Variants in ST6GALNAC5 observed in about 807,000 individuals in gnomAD.
ST6GALNAC5 encodes alpha-N-acetylgalactosaminide alpha-2,6-sialyltransferase 5.
In ST6GALNAC5, 27 loss-of-function variants were observed where a neutral mutation model predicts 33.6. The ratio of observed to expected loss-of-function variants is 0.80; its 90% CI spans 0.59 to 1.11. The LOEUF (loss-of-function observed/expected upper bound fraction) is 1.11. Among genes scored for constraint, ST6GALNAC5 ranks in the 50% least tolerant of loss-of-function variants. The pLI, the probability that ST6GALNAC5 is intolerant of heterozygous loss-of-function variation, is 0.00. For synonymous variants in ST6GALNAC5, 194 were observed against 171.2 expected, an observed-to-expected ratio of 1.13 and a Z score of -1.04; for missense variants, 428 against 454.0, an observed-to-expected ratio of 0.94 and a Z score of 0.52.
At chr1:76,883,849 T>A (rs1466925106) in intron 2 of ST6GALNAC5, among the ~76,000 whole-genome samples, 1 of 152,212 alleles carries the variant, frequency 6.6e-6, no homozygotes, top group Admixed American at 6.5e-5. Flanking sequence ...ATGAATGAGA[T>A]GTGATCCTCA....
intron 2 of ST6GALNAC5, among the ~76,000 whole-genome samples, chr1:76,902,445 C>G (rs1421675084): frequency 6.6e-6 from 1 of 152,200 alleles, no homozygotes. Context: ...TAGTGCTCCT[C>G]AAATAGATCT....
At chr1:77,030,744 A>C (rs1028222697) in intron 2 of ST6GALNAC5, among the ~76,000 whole-genome samples, 1 of 152,234 alleles carries the variant, frequency 6.6e-6, no homozygotes, top group African/African-American at 2.4e-5. Flanking sequence ...AGAAAAGAAG[A>C]CTGGATAAAA....
At chr1:76,881,646 G>T (rs1653781965) in intron 2 of ST6GALNAC5, among the ~76,000 whole-genome samples, 1 of 151,964 alleles carries the variant, frequency 6.6e-6, no homozygotes, top group Non-Finnish European at 1.5e-5. Context: ...ATAAGTACTT[G>T]TTGAATGAAT....
intron 2 of ST6GALNAC5, among the ~76,000 whole-genome samples, chr1:76,887,303 G>T (rs539596284): frequency 7.9e-5 from 12 of 152,300 alleles, no homozygotes; most frequent in African/African-American, 2.9e-4. Context: ...TGTAAGTAAT[G>T]ATATAATTTT....
intron 2 of ST6GALNAC5, among the ~76,000 whole-genome samples, chr1:77,008,625 G>A (rs1026384448): frequency 6.6e-6 from 1 of 152,096 alleles, no homozygotes; most frequent in Non-Finnish European, 1.5e-5. Context: ...TGCCTCCTGG[G>A]TTCAAGCAAT....
intron 2 of ST6GALNAC5, among the ~76,000 whole-genome samples, chr1:76,872,271 T>G (rs967073031): frequency 6.6e-6 from 1 of 152,138 alleles, no homozygotes; most frequent in African/African-American, 2.4e-5. Flanking sequence ...AATGAAACCG[T>G]GAGCTAATTC....
chr1:76,976,479 A>G (rs1557744625), intron 2 of ST6GALNAC5, among the ~76,000 whole-genome samples: 1 of 152,116 alleles, frequency 6.6e-6, no homozygotes, highest in Non-Finnish European at 1.5e-5. Flanking sequence ...AGAAAATGTT[A>G]AAAAATCACT....
At chr1:76,881,220 C>G (rs1653770796) in intron 2 of ST6GALNAC5, among the ~76,000 whole-genome samples, 1 of 152,128 alleles carries the variant, frequency 6.6e-6, no homozygotes, top group Admixed American at 6.5e-5. Context: ...ATTGGTAAAA[C>G]TTTTGGGGGG....
At chr1:77,057,543 G>A (rs750187748) in intron 4 of ST6GALNAC5, among the ~76,000 whole-genome samples, 2 of 152,178 alleles carry the variant, frequency 1.3e-5, no homozygotes, top group Non-Finnish European at 2.9e-5. Flanking sequence ...AACCAGGGTG[G>A]GTGGGAGGAG....
At chr1:76,995,939 A>T (rs1002611943) in intron 2 of ST6GALNAC5, among the ~76,000 whole-genome samples, 1 of 152,200 alleles carries the variant, frequency 6.6e-6, no homozygotes, top group Admixed American at 6.6e-5. Flanking sequence ...ATGAATGGCT[A>T]AAGGAGAGAG....
At chr1:76,872,120 A>ACAC (rs1557704795) in intron 2 of ST6GALNAC5, among the ~76,000 whole-genome samples, 59 of 128,240 alleles carry the variant, frequency 4.6e-4, no homozygotes, top group African/African-American at 1.7e-3. Flanking sequence ...CACACACACC[A>ACAC]CACACATTAA....
intron 2 of ST6GALNAC5, among the ~76,000 whole-genome samples, chr1:76,985,581 C>T (rs1003628061): frequency 6.6e-6 from 1 of 152,168 alleles, no homozygotes; most frequent in Non-Finnish European, 1.5e-5. Context: ...AATGGCCACA[C>T]TGCCCAGGGT....
chr1:76,964,691 G>A (rs540225574), intron 2 of ST6GALNAC5, among the ~76,000 whole-genome samples: 1 of 152,244 alleles, frequency 6.6e-6, no homozygotes, highest in South Asian at 2.1e-4. Flanking sequence ...CATGTGCCAT[G>A]TTGGTTTCCT....
intron 4 of ST6GALNAC5, among the ~76,000 whole-genome samples, chr1:77,058,598 AT>A (rs1439432851): frequency 6.6e-6 from 1 of 152,178 alleles, no homozygotes; most frequent in Non-Finnish European, 1.5e-5. Flanking sequence ...CCAACCTTGA[AT>A]TTTTTGAGAC....
At chr1:76,906,580 T>A (rs995302486) in intron 2 of ST6GALNAC5, among the ~76,000 whole-genome samples, 15 of 152,186 alleles carry the variant, frequency 9.9e-5, no homozygotes, top group Non-Finnish European at 2.2e-4. Flanking sequence ...CCTTCTATAA[T>A]TTTTTGATTG....
At chr1:76,920,955 T>C (rs1647029004) in intron 2 of ST6GALNAC5, among the ~76,000 whole-genome samples, 1 of 152,134 alleles carries the variant, frequency 6.6e-6, no homozygotes, top group East Asian at 1.9e-4. Context: ...GTCATGAGAA[T>C]AGGAAATAGC....
Position 77,044,210 on chromosome 1 carries a change from A to C in ST6GALNAC5, c.268A>C (p.Lys90Gln). 2.5e-6 allele frequency: 4 copies of C among 1,597,098 alleles called. No homozygotes were observed. The highest frequency in any genetic ancestry group is 3.4e-6 in the Non-Finnish European group (4 of 1,168,292). The change falls in exon 3 of 5, where the codon AAA (lysine) becomes CAA (glutamine). Residue 90 changes from lysine (K) to glutamine (Q), a missense_variant. Transcript: ENST00000477717. ...TTCTCCCCCTGCCTTCCAGCCCCTG[A>C]AAATGCACTGCAGGGACTGTGCCCT... Reference protein sequence around the residue: ...YLGVADHKPLKMHCRDCALVT... With the variant: ...YLGVADHKPLQMHCRDCALVT...
chr1:77,050,152 A>C, intron 3 of ST6GALNAC5, 106 bp from the exon 4 acceptor site: 1 of 853,798 alleles, frequency 1.2e-6, no homozygotes, highest in Non-Finnish European at 1.9e-6. Flanking sequence ...GGAGAGAGGG[A>C]GAGACTCTTG....
intron 2 of ST6GALNAC5, among the ~76,000 whole-genome samples, chr1:77,005,445 G>A (rs1248261388): frequency 6.6e-5 from 10 of 152,194 alleles, no homozygotes; most frequent in Non-Finnish European, 1.0e-4. Flanking sequence ...GAAATCACCC[G>A]TCTTCTGCGT....
Sources: allele counts gnomAD v4.1 joint callset (sites outside exome capture counted in the v4.1 genomes callset), GRCh38; gene constraint gnomAD v4.1.1; transcripts MANE v1.5; gene names NCBI Gene and HGNC (gene_info 2026-07-23, HGNC 2026-07-21).